Variants in RERE observed in about 807,000 individuals in gnomAD.
RERE encodes the protein arginine-glutamic acid dipeptide repeats.
RERE carries 40 observed loss-of-function variants against 146.1 expected under a neutral mutation model. The ratio of observed to expected loss-of-function variants is 0.27; its 90% CI spans 0.21 to 0.36. RERE has a LOEUF of 0.36. RERE is among the 10% of genes least tolerant of loss of function. The pLI is 1.00. For synonymous variants in RERE, 1,003 were observed against 866.0 expected, an observed-to-expected ratio of 1.16 and a Z score of -2.78; for missense variants, 1,933 against 2,138.7, an observed-to-expected ratio of 0.90 and a Z score of 1.90.
intron 1 of RERE, among the ~76,000 whole-genome samples, chr1:8,759,828 ACTCT>A (rs140265631): frequency 1.5e-5 from 2 of 133,700 alleles, no homozygotes; most frequent in South Asian, 2.3e-4. Flanking sequence ...CTAAATTCTT[ACTCT>A]CTCTATACAC....
chr1:8,361,643 A>G, intron 17 of RERE, 120 bp downstream of exon 17: 1 of 1,327,188 alleles, frequency 7.5e-7, no homozygotes, highest in East Asian at 2.3e-5. Context: ...AGCCAGTGTC[A>G]AAGGCCACTC....
chr1:8,364,028 A>G lies in RERE; in HGVS notation c.1740+28T>C, dbSNP rs1296901111. ...ATCCCAGGAAACTGAAGAAGTTGCC[A>G]GGAGCCCCATGGCCCCAGGGGACTC... On this transcript the variant is annotated intron_variant, in intron 15 of 22. Transcript: ENST00000400908. This position sits in a 1 kb window ranked among gnomAD's most constrained non-coding sequence, Gnocchi z 5.1. The G allele has an allele frequency of 6.3e-7, 1 of 1,599,280 alleles. No individual in the cohort carries two copies. The highest frequency in any genetic ancestry group is 8.6e-7 in the Non-Finnish European group (1 of 1,166,994).
intron 4 of RERE, among the ~76,000 whole-genome samples, chr1:8,575,900 A>G (rs972723281): frequency 6.6e-6 from 1 of 152,184 alleles, no homozygotes; most frequent in East Asian, 1.9e-4. Context: ...TGCAATATTC[A>G]AAAGTGTCAA....
intron 5 of RERE, 144 bp downstream of exon 5, chr1:8,557,274 C>A (rs1646019073): frequency 1.0e-5 from 6 of 602,116 alleles, no homozygotes; most frequent in Non-Finnish European, 1.8e-5. Flanking sequence ...TAACTGGTAG[C>A]CAATGTGAAT....
chr1:8,565,226 T>C (rs1163948940), intron 4 of RERE, among the ~76,000 whole-genome samples: 1 of 152,210 alleles, frequency 6.6e-6, no homozygotes, highest in Non-Finnish European at 1.5e-5. Flanking sequence ...ATTTCAAATG[T>C]TGCCATCATA....
At chr1:8,706,113 CAAAAAAAAAAAAAA>C (rs61016240) in intron 1 of RERE, among the ~76,000 whole-genome samples, 12 of 69,190 alleles carry the variant, frequency 1.7e-4, no homozygotes, top group Admixed American at 6.1e-4. Flanking sequence ...ACTCCGTCTC[CAAAAAAAAAAAAAA>C]AAAAAAAAAA....
chr1:8,385,651 A>T (rs938252885), intron 12 of RERE, among the ~76,000 whole-genome samples: 12 of 152,034 alleles, frequency 7.9e-5, no homozygotes, highest in Admixed American at 4.6e-4. Flanking sequence ...ACGCCTGACC[A>T]GCTACCCGGA....
chr1:8,480,329 G>A (rs1206668610), intron 10 of RERE, among the ~76,000 whole-genome samples: 1 of 151,512 alleles, frequency 6.6e-6, no homozygotes, highest in Non-Finnish European at 1.5e-5. Flanking sequence ...TAGTAGAGAC[G>A]GGGTTTCACC....
At chr1:8,595,526 TTTATTTTAATGTA>T (rs1570483764) in intron 4 of RERE, among the ~76,000 whole-genome samples, 1 of 151,786 alleles carries the variant, frequency 6.6e-6, no homozygotes, top group East Asian at 1.9e-4. Context: ...ATTTTATGTA[TTTATTTTAATGTA>T]TTATTTTAAT....
chr1:8,498,621 G>A (rs996973071), intron 8 of RERE, among the ~76,000 whole-genome samples: 7 of 150,966 alleles, frequency 4.6e-5, no homozygotes, highest in South Asian at 2.1e-4. Context: ...GCTTGAACCC[G>A]GGAGGCAGAA....
rs528831711 is a variant in RERE at position 8,703,608 on chromosome 1, G to C, written c.-144-47167C>G. Among the ~76,000 whole-genome samples the C allele has an allele frequency of 3.2e-4, 49 of 152,324 alleles. 1 individual carries two copies. The highest frequency in any genetic ancestry group is 1.2e-3 in the African/African-American group (48 of 41,576). On this transcript the variant is annotated intron_variant, in intron 1 of 22. Transcript: ENST00000400908. ...AATCCTCCCTCCCCTCCGACAGCCG[G>C]AACTGGGAGCCTGCGTGATTGATGG... is the stretch of plus-strand genomic sequence containing the variant.
intron 4 of RERE, among the ~76,000 whole-genome samples, chr1:8,604,788 T>C (rs974469990): frequency 2.0e-5 from 3 of 152,200 alleles, no homozygotes; most frequent in Non-Finnish European, 2.9e-5. Context: ...TTTATGTTTA[T>C]AGAGAAATGC....
At chr1:8,524,957 A>G (rs1219734474) in intron 7 of RERE, among the ~76,000 whole-genome samples, 1 of 152,220 alleles carries the variant, frequency 6.6e-6, no homozygotes, top group African/African-American at 2.4e-5. Context: ...GACAACATAC[A>G]CATATGCAAA....
At chr1:8,641,665 AAAG>A (rs1190015555) in intron 2 of RERE, among the ~76,000 whole-genome samples, 10 of 152,226 alleles carry the variant, frequency 6.6e-5, no homozygotes, top group Admixed American at 4.6e-4. Flanking sequence ...TGTGCTGAAC[AAAG>A]AAGGTCTTCT....
At chr1:8,597,386 C>T (rs534299849) in intron 4 of RERE, among the ~76,000 whole-genome samples, 22 of 152,248 alleles carry the variant, frequency 1.4e-4, no homozygotes, top group African/African-American at 5.3e-4. Flanking sequence ...GCCACTGTGC[C>T]CAGCCCCTGA....
At chr1:8,516,301 C>G (rs559979464) in intron 7 of RERE, among the ~76,000 whole-genome samples, 1 of 147,660 alleles carries the variant, frequency 6.8e-6, no homozygotes, top group Admixed American at 6.9e-5. Context: ...ATAATACTAG[C>G]TATCAATTAC....
rs1557584558 is a variant in RERE, at chr1:8,359,636, G to A, written c.3618+128C>T. ...GAGGTGTGGAGACAGGGTGTAAATA[G>A]CACCCAACCCTCTAGCTGCCAGGAG... On this transcript the variant is annotated intron_variant, in intron 19 of 22. Coordinates refer to ENST00000400908, the MANE Select transcript of RERE (RefSeq NM_001042681.2). The A allele has an allele frequency of 4.8e-6, 5 of 1,041,554 alleles. No homozygotes were observed. The East Asian group carries it at 1.2e-4, about 25-fold the overall frequency. The allele number at this position is 1,041,554 out of a possible 1,614,324, so 64.5% of individuals were successfully genotyped here. A position where few individuals can be genotyped will look rare whatever the true frequency, so the allele number is the denominator to read the frequency against.
rs1268862011 is a variant in RERE, at chr1:8,364,678, T to C, written c.1540+68A>G. 16 of 1,148,714 alleles carry C rather than the reference T, an allele frequency of 1.4e-5. No individual in the cohort carries two copies. The highest frequency in any genetic ancestry group is 6.9e-5 in the Admixed American group (4 of 58,322). The allele number at this position is 1,148,714 out of a possible 1,614,324, so 71.2% of individuals were successfully genotyped here. On this transcript the variant is annotated intron_variant, in intron 14 of 22. Coordinates refer to ENST00000400908, the MANE Select transcript of RERE (RefSeq NM_001042681.2). This position sits in a 1 kb window ranked among gnomAD's most constrained non-coding sequence, Gnocchi z 5.1. ...CCTGGCAGGTTTCCAGCTGGATGCATGAAATGTTCAGAACATGGAAGTGCT... is the reference window on the plus strand; with the variant it reads ...CCTGGCAGGTTTCCAGCTGGATGCACGAAATGTTCAGAACATGGAAGTGCT...
chr1:8,558,534 A>G (rs905027464), intron 4 of RERE, among the ~76,000 whole-genome samples: 3 of 152,222 alleles, frequency 2.0e-5, no homozygotes, highest in Non-Finnish European at 2.9e-5. Flanking sequence ...AATGAGAGCT[A>G]AAATTCAAGA....
Sources: gnomAD v4.1 joint callset for allele counts (sites outside exome capture counted in the v4.1 genomes callset) on GRCh38, gnomAD v4.1.1 for gene constraint, Gnocchi (gnomAD v3.1) non-coding constraint, MANE v1.5 for transcripts, NCBI Gene and HGNC (gene_info 2026-07-23, HGNC 2026-07-21) for gene names.